Variants in TAFA4 observed in about 807,000 individuals in gnomAD.
TAFA4 encodes the protein TAFA chemokine like family member 4, also known as chemokine-like protein TAFA-4.
TAFA4 carries 20 observed loss-of-function variants against 21.1 expected under a neutral mutation model. The observed-to-expected ratio is 0.95, with a 90% CI of 0.67 to 1.38. The LOEUF (loss-of-function observed/expected upper bound fraction) is 1.38, where lower values mean the gene tolerates loss of function less well. TAFA4 is among the 40% of genes most tolerant of loss of function. The pLI, the probability that TAFA4 is intolerant of heterozygous loss-of-function variation, is 0.00. For synonymous variants in TAFA4, 71 were observed against 67.4 expected, an observed-to-expected ratio of 1.05 and a Z score of -0.26; for missense variants, 211 against 180.9, an observed-to-expected ratio of 1.17 and a Z score of -0.95.
chr3:68,810,398 G>A (rs888359552), intron 3 of TAFA4, among the ~76,000 whole-genome samples: 1 of 152,224 alleles, frequency 6.6e-6, no homozygotes, highest in African/African-American at 2.4e-5. Flanking sequence ...GGAAGCACAA[G>A]GCATCAGGGA....
chr3:68,852,732 T>C (rs1057434691), intron 3 of TAFA4, among the ~76,000 whole-genome samples: 2 of 152,216 alleles, frequency 1.3e-5, no homozygotes, highest in Non-Finnish European at 2.9e-5. Context: ...TCCTTAGTCA[T>C]TGAAATTCAC....
At chr3:68,829,449 T>C (rs1198733933) in intron 3 of TAFA4, among the ~76,000 whole-genome samples, 5 of 152,202 alleles carry the variant, frequency 3.3e-5, no homozygotes, top group Non-Finnish European at 7.3e-5. Flanking sequence ...GAAATAATCA[T>C]GTGGTTTTTG....
rs114603528 is a variant in TAFA4 at position 68,843,191 on chromosome 3, C to T, written c.130+37539G>A. Among the ~76,000 whole-genome samples, 1,237 of 151,908 alleles carry T rather than the reference C, an allele frequency of 8.1e-3. 9 individuals are homozygous for T. Among genetic ancestry groups the T allele is most frequent in the Non-Finnish European group, 0.013 (856 of 67,878 alleles). On this transcript the variant is annotated intron_variant, in intron 3 of 5. Coordinates refer to ENST00000295569, the MANE Select transcript of TAFA4 (RefSeq NM_182522.5). ...GCATGGAATGTTTTCCCATTTGTGT[C>T]CTCACTTATTTCCTTGAGCAGTGGT...
intron 1 of TAFA4, among the ~76,000 whole-genome samples, chr3:68,931,501 A>T (rs1045650389): frequency 1.3e-5 from 2 of 152,206 alleles, no homozygotes; most frequent in Non-Finnish European, 2.9e-5. Context: ...TCCAGTTCCA[A>T]TCCTCTCCCG....
rs149669051 is a variant in TAFA4, at chr3:68,923,263, G to C, written c.-123+8977C>G. ...TAATCACAATAATGAATAAACATGGGGTGCTTAAAAAGGACTGAGGCACCA... is the reference window on the plus strand; with the variant it reads ...TAATCACAATAATGAATAAACATGGCGTGCTTAAAAAGGACTGAGGCACCA... On this transcript the variant is annotated intron_variant, in intron 1 of 5. Coordinates refer to ENST00000295569, the MANE Select transcript of TAFA4 (RefSeq NM_182522.5). 6.1e-3 allele frequency among the ~76,000 whole-genome samples: 929 copies of C among 152,138 alleles called. 28 individuals are homozygous for C. The highest frequency in any genetic ancestry group is 0.046 in the Admixed American group (709 of 15,278).
intron 3 of TAFA4, among the ~76,000 whole-genome samples, chr3:68,854,475 T>G (rs1003329540): frequency 2.0e-5 from 3 of 152,118 alleles, no homozygotes; most frequent in African/African-American, 7.2e-5. Context: ...TTTTCACTAA[T>G]GGTCAAAAGG....
intron 3 of TAFA4, among the ~76,000 whole-genome samples, chr3:68,794,933 A>G (rs1703426071): frequency 6.6e-6 from 1 of 151,888 alleles, no homozygotes; most frequent in African/African-American, 2.4e-5. Flanking sequence ...TATAGATGAA[A>G]AAACATATCC....
At chr3:68,806,001 A>C (rs1703690962) in intron 3 of TAFA4, among the ~76,000 whole-genome samples, 1 of 152,166 alleles carries the variant, frequency 6.6e-6, no homozygotes, top group South Asian at 2.1e-4. Context: ...AGAAGAAAAA[A>C]ATTAAAATAA....
rs140001150 is a variant in TAFA4 at position 68,917,520 on chromosome 3, C to A, written c.-123+14720G>T. On this transcript the variant is annotated intron_variant, in intron 1 of 5. Coordinates refer to ENST00000295569, the MANE Select transcript of TAFA4 (RefSeq NM_182522.5). ...CTGTAATCCCAGCACTTTGGGAGGC[C>A]GAGGCAGGCAGATCACGAGGTCAGG... 4.1e-3 allele frequency among the ~76,000 whole-genome samples: 624 copies of A among 151,752 alleles called. 4 individuals are homozygous for A. Among genetic ancestry groups the A allele is most frequent in the African/African-American group, 0.014 (577 of 41,352 alleles).
intron 3 of TAFA4, among the ~76,000 whole-genome samples, chr3:68,879,527 C>T (rs866463692): frequency 2.6e-5 from 4 of 152,242 alleles, no homozygotes; most frequent in African/African-American, 4.8e-5. Flanking sequence ...ACACTATCCT[C>T]GTGAACAAAC....
chr3:68,886,294 T>C (rs1055151400), intron 1 of TAFA4, among the ~76,000 whole-genome samples: 5 of 152,032 alleles, frequency 3.3e-5, no homozygotes, highest in Non-Finnish European at 2.9e-5. Flanking sequence ...TGTAAGAGAG[T>C]ATGGGCCTTG....
intron 3 of TAFA4, among the ~76,000 whole-genome samples, chr3:68,819,101 C>T (rs1305636272): frequency 1.3e-5 from 2 of 151,926 alleles, no homozygotes; most frequent in Non-Finnish European, 2.9e-5. Context: ...GGCGAAAGCC[C>T]ATCTCTACAA....
chr3:68,898,421 G>A (rs2089812960), intron 1 of TAFA4, among the ~76,000 whole-genome samples: 1 of 152,348 alleles, frequency 6.6e-6, no homozygotes, highest in Non-Finnish European at 1.5e-5. Flanking sequence ...GGGAGGCCAA[G>A]GTGGGCGGAT....
intron 3 of TAFA4, among the ~76,000 whole-genome samples, chr3:68,865,683 G>A (rs1009248514): frequency 6.6e-6 from 1 of 152,064 alleles, no homozygotes; most frequent in African/African-American, 2.4e-5. Context: ...ACTCAGTCTG[G>A]AATGCAGTGG....
chr3:68,836,653 T>C (rs1575633126), intron 3 of TAFA4, among the ~76,000 whole-genome samples: 1 of 152,324 alleles, frequency 6.6e-6, no homozygotes, highest in East Asian at 1.9e-4. Context: ...GAACTAAACA[T>C]AAAAATCGTT....
At chr3:68,859,676 A>G (rs1423291041) in intron 3 of TAFA4, among the ~76,000 whole-genome samples, 1 of 152,138 alleles carries the variant, frequency 6.6e-6, no homozygotes, top group African/African-American at 2.4e-5. Flanking sequence ...CCATGCATCA[A>G]CCTTGAACTG....
chr3:68,753,334 G>GTTTGT (rs1702595440), intron 3 of TAFA4, among the ~76,000 whole-genome samples: 1 of 114,498 alleles, frequency 8.7e-6, no homozygotes, highest in African/African-American at 3.4e-5. Context: ...GATTGATAGA[G>GTTTGT]TTTTTTTTTT....
chr3:68,811,488 T>C (rs1052787696), intron 3 of TAFA4, among the ~76,000 whole-genome samples: 7 of 152,184 alleles, frequency 4.6e-5, no homozygotes, highest in African/African-American at 1.7e-4. Flanking sequence ...AAGGACCTGA[T>C]GGAGCTGAAA....
At chr3:68,882,375 A>G (rs1362340635) in intron 2 of TAFA4, among the ~76,000 whole-genome samples, 1 of 152,130 alleles carries the variant, frequency 6.6e-6, no homozygotes, top group African/African-American at 2.4e-5. Context: ...TACAATGTCC[A>G]GATTGCAAAT....
Sources: allele counts gnomAD v4.1 joint callset (sites outside exome capture counted in the v4.1 genomes callset), GRCh38; gene constraint gnomAD v4.1.1; transcripts MANE v1.5; gene names NCBI Gene and HGNC (gene_info 2026-07-23, HGNC 2026-07-21).